Variants in FAM149B1 observed in about 807,000 individuals in gnomAD.
FAM149B1 encodes the protein family with sequence similarity 149 member B1.
Under a neutral mutation model 75.3 loss-of-function variants are expected in FAM149B1, and 56 were observed. The ratio of observed to expected loss-of-function variants is 0.74; its 90% confidence interval spans 0.60 to 0.93. The LOEUF (loss-of-function observed/expected upper bound fraction) is 0.93. FAM149B1 is among the 40% of genes least tolerant of loss of function. The pLI, the probability that FAM149B1 is intolerant of heterozygous loss-of-function variation, is 0.00. For synonymous variants in FAM149B1, 259 were observed against 256.1 expected, an observed-to-expected ratio of 1.01 and a Z score of -0.11; for missense variants, 639 against 708.4, an observed-to-expected ratio of 0.90 and a Z score of 1.11.
chr10:73,174,270 C>T (rs776403729), intron 1 of FAM149B1, among the ~76,000 whole-genome samples: 1 of 152,146 alleles, frequency 6.6e-6, no homozygotes. Context: ...TACCATTTGA[C>T]ATTCCTGCCA....
At chr10:73,236,311 C>T (rs1330447426) in intron 12 of FAM149B1, among the ~76,000 whole-genome samples, 1 of 152,096 alleles carries the variant, frequency 6.6e-6, no homozygotes, top group Non-Finnish European at 1.5e-5. Flanking sequence ...GCTCCCTTTG[C>T]AAGGTCTAGG....
intron 10 of FAM149B1, 66 bp from the exon 11 acceptor site, chr10:73,234,751 T>C: frequency 1.3e-6 from 2 of 1,507,024 alleles, no homozygotes; most frequent in Non-Finnish European, 1.8e-6. Context: ...TGATTTCTAA[T>C]CAATTTGCTG....
At position 73,242,246 on chromosome 10, in the gene FAM149B1, C is replaced by T. The variant is rs577108544; in HGVS notation, c.*1227C>T. 14 of 152,228 alleles carry T rather than the reference C, an allele frequency of 9.2e-5. No homozygotes were observed. In the South Asian group the frequency reaches 2.9e-3, roughly 32 times the overall value. The allele number at this position is 152,228 out of a possible 1,614,324, so 9.4% of individuals were successfully genotyped here. A position where few individuals can be genotyped will look rare whatever the true frequency, so the allele number is the denominator to read the frequency against. On this transcript the variant is annotated 3_prime_UTR_variant, in exon 14 of 14. Transcript: ENST00000242505. ...GAGCTAAAGGCTTACTTTATGCATACGGTATATTTAATAGTCTACAAATCA... is the reference window on the plus strand; with the variant it reads ...GAGCTAAAGGCTTACTTTATGCATATGGTATATTTAATAGTCTACAAATCA...
chr10:73,196,968 G>A (rs1229643889), intron 5 of FAM149B1, among the ~76,000 whole-genome samples: 1 of 152,166 alleles, frequency 6.6e-6, no homozygotes. Context: ...CTGTAACATG[G>A]TTAGCAGTCA....
intron 5 of FAM149B1, among the ~76,000 whole-genome samples, chr10:73,198,282 G>A (rs556905465): frequency 6.6e-5 from 10 of 152,136 alleles, no homozygotes; most frequent in Non-Finnish European, 1.3e-4. Context: ...AAAGCTTCAG[G>A]CCATTGGATT....
At chr10:73,229,223 T>G (rs1298363240) in intron 8 of FAM149B1, among the ~76,000 whole-genome samples, 2 of 152,052 alleles carry the variant, frequency 1.3e-5, no homozygotes, top group African/African-American at 4.8e-5. Context: ...TCCTACACAA[T>G]AGTTTCCTGG....
At position 73,174,723 on chromosome 10, in the gene FAM149B1, C is replaced by G; in HGVS notation, c.84C>G (p.Pro28=). The change falls in exon 2 of 14, where the codon CCC becomes CCG. Residue 28 remains proline, a synonymous_variant. Transcript: ENST00000242505. ...CAAAACATGCTCTTAACCATCATCC[C>G]CCTCCAGAGAAGCTGGAGGAAATTT... ...GITKHALNHH[P]PPEKLEEISP... The G allele has an allele frequency of 1.3e-6, 2 of 1,551,216 alleles. No homozygotes were observed. Among genetic ancestry groups the G allele is most frequent in the Non-Finnish European group, 1.7e-6 (2 of 1,146,692 alleles).
At chr10:73,181,375 G>A (rs1441991466) in intron 3 of FAM149B1, among the ~76,000 whole-genome samples, 2 of 152,008 alleles carry the variant, frequency 1.3e-5, no homozygotes, top group Non-Finnish European at 2.9e-5. Context: ...CTTTTTTGTT[G>A]TAGGCACTTA....
At chr10:73,224,767 C>T (rs1369788113) in intron 7 of FAM149B1, among the ~76,000 whole-genome samples, 2 of 152,156 alleles carry the variant, frequency 1.3e-5, no homozygotes, top group South Asian at 2.1e-4. Context: ...CCACCACACC[C>T]AGCCACACCG....
chr10:73,194,643 A>C (rs910893490), intron 5 of FAM149B1, among the ~76,000 whole-genome samples: 2 of 149,340 alleles, frequency 1.3e-5, no homozygotes, highest in African/African-American at 5.0e-5. Context: ...GGTTACAGGC[A>C]TGAACCACCG....
chr10:73,168,130 C>T lies in FAM149B1; in HGVS notation c.-210C>T, dbSNP rs1220200050. 4 of 571,968 alleles carry T rather than the reference C, an allele frequency of 7.0e-6. No homozygotes were observed. Among genetic ancestry groups the T allele is most frequent in the African/African-American group, 6.1e-5 (3 of 49,556 alleles). The allele number at this position is 571,968 out of a possible 1,614,324, so 35.4% of individuals were successfully genotyped here. A position where few individuals can be genotyped will look rare whatever the true frequency, so the allele number is the denominator to read the frequency against. Reference sequence around the variant, plus strand: ...CGGGGGCCTTCGTCACTTCCGCCCCCGCGGCAAAGCAGGGAGGTCGGAGGA... The same window carrying T: ...CGGGGGCCTTCGTCACTTCCGCCCCTGCGGCAAAGCAGGGAGGTCGGAGGA... On this transcript the variant is annotated 5_prime_UTR_variant, in exon 1 of 14. Coordinates refer to ENST00000242505, the MANE Select transcript of FAM149B1 (RefSeq NM_173348.2).
chr10:73,182,926 T>G (rs575960183), intron 3 of FAM149B1, among the ~76,000 whole-genome samples: 6 of 152,350 alleles, frequency 3.9e-5, no homozygotes, highest in African/African-American at 1.2e-4. Context: ...TCTTGCTGCT[T>G]AAGGTCATAA....
chr10:73,240,454 T>C (rs1313929808), intron 13 of FAM149B1, among the ~76,000 whole-genome samples: 1 of 152,206 alleles, frequency 6.6e-6, no homozygotes, highest in Non-Finnish European at 1.5e-5. Flanking sequence ...GGCTCATGCC[T>C]GTAATCCCAG....
At chr10:73,195,526 T>G (rs181531201) in intron 5 of FAM149B1, among the ~76,000 whole-genome samples, 5 of 152,330 alleles carry the variant, frequency 3.3e-5, no homozygotes, top group Admixed American at 3.3e-4. Flanking sequence ...TTAGGATATA[T>G]CGACCTAATC....
chr10:73,200,783 TG>T (rs1829377849), intron 5 of FAM149B1: 1 of 469,532 alleles, frequency 2.1e-6, no homozygotes, highest in Non-Finnish European at 4.2e-6. Flanking sequence ...GCAGGAGGAA[TG>T]GAAGTTGGAT....
chr10:73,242,085 T>C lies in FAM149B1; in HGVS notation c.*1066T>C, dbSNP rs1338454227. ...CATAAATTACGGTAACTTTTTATTA[T>C]ACCAAGGTGTTCTAATGCCATCATA... On this transcript the variant is annotated 3_prime_UTR_variant, in exon 14 of 14. Coordinates refer to ENST00000242505, the MANE Select transcript of FAM149B1 (RefSeq NM_173348.2). The C allele has an allele frequency of 6.6e-6, 1 of 152,226 alleles. No individual in the cohort carries two copies. Among genetic ancestry groups the C allele is most frequent in the Non-Finnish European group, 1.5e-5 (1 of 68,038 alleles). 9.4% of individuals were successfully genotyped at this position (152,226 alleles called of 1,614,324 possible). A position where few individuals can be genotyped will look rare whatever the true frequency, so the allele number is the denominator to read the frequency against.
At chr10:73,230,551 A>C in intron 9 of FAM149B1, 26 bp downstream of exon 9, 1 of 1,262,616 alleles carries the variant, frequency 7.9e-7, no homozygotes, top group South Asian at 1.3e-5. Flanking sequence ...TTTTCAGACT[A>C]TACAGTGTAA....
At position 73,242,272 on chromosome 10, in the gene FAM149B1, A is replaced by G. The variant is rs1157432265; in HGVS notation, c.*1253A>G. The G allele has an allele frequency of 6.6e-6, 1 of 152,228 alleles. No individual in the cohort carries two copies. The highest frequency in any genetic ancestry group is 1.5e-5 in the Non-Finnish European group (1 of 68,040). 9.4% of individuals were successfully genotyped at this position (152,228 alleles called of 1,614,324 possible). A position where few individuals can be genotyped will look rare whatever the true frequency, so the allele number is the denominator to read the frequency against. ...GGTATATTTAATAGTCTACAAATCA[A>G]AGATTTAAACAGTCCCTTAAAAATT... On this transcript the variant is annotated 3_prime_UTR_variant, in exon 14 of 14. Transcript: ENST00000242505.
At chr10:73,205,106 C>T (rs577146205) in intron 5 of FAM149B1, among the ~76,000 whole-genome samples, 52 of 151,110 alleles carry the variant, frequency 3.4e-4, no homozygotes, top group African/African-American at 1.2e-3. Context: ...AGCCACCCGC[C>T]TGGCCAATTA....
Sources: allele counts gnomAD v4.1 joint callset (sites outside exome capture counted in the v4.1 genomes callset), GRCh38; gene constraint gnomAD v4.1.1; transcripts MANE v1.5; gene names NCBI Gene and HGNC (gene_info 2026-07-23, HGNC 2026-07-21).